The following LINC00237 variants were observed in gnomAD, a reference collection of about 807,000 sequenced individuals.
The protein encoded by LINC00237 is long independently transcribed non-coding RNA 237, also known as long intergenic non-protein coding RNA 237.
chr20:21,088,977 G>A (rs901801340), intron 2 of LINC00237, among the ~76,000 whole-genome samples: 4 of 151,932 alleles, frequency 2.6e-5, no homozygotes, highest in African/African-American at 9.7e-5. Context: ...TCAGATTGTA[G>A]CGACCCCAAT....
intron 1 of LINC00237, among the ~76,000 whole-genome samples, chr20:21,102,943 G>T (rs1055622732): frequency 5.3e-5 from 8 of 152,204 alleles, no homozygotes; most frequent in African/African-American, 1.7e-4. Context: ...AGTGCAGCTC[G>T]CTCCTCCTTC....
intron 1 of LINC00237, among the ~76,000 whole-genome samples, chr20:21,102,086 C>G (rs368423098): frequency 5.9e-5 from 9 of 152,362 alleles, no homozygotes; most frequent in African/African-American, 2.2e-4. Context: ...GCTGAAGGCC[C>G]GCGGCCGAGG....
chr20:21,092,113 G>A (rs561723454), intron 2 of LINC00237, among the ~76,000 whole-genome samples: 3 of 152,300 alleles, frequency 2.0e-5, no homozygotes, highest in African/African-American at 7.2e-5. Flanking sequence ...TCCATCAGGA[G>A]ATGTTTACTC....
intron 1 of LINC00237, chr20:21,093,872 A>G (rs1043447849): frequency 3.3e-5 from 5 of 152,254 alleles, no homozygotes; most frequent in African/African-American, 1.2e-4. Flanking sequence ...AAAGAGAAAC[A>G]CTTGCTCTTA....
chr20:21,102,455 T>A (rs904322956), intron 1 of LINC00237, among the ~76,000 whole-genome samples: 1 of 152,098 alleles, frequency 6.6e-6, no homozygotes, highest in Non-Finnish European at 1.5e-5. Context: ...TCAGACTAAC[T>A]CGCTCCAGGT....
exon 4 of LINC00237, among the ~76,000 whole-genome samples, chr20:21,085,821 A>G (rs922113918): frequency 1.3e-5 from 2 of 151,598 alleles, no homozygotes; most frequent in Middle Eastern, 3.4e-3. Flanking sequence ...TATCATTATG[A>G]AAACTCTGAA....
intron 1 of LINC00237, among the ~76,000 whole-genome samples, chr20:21,099,479 C>G (rs982133606): frequency 6.6e-6 from 1 of 152,060 alleles, no homozygotes; most frequent in Non-Finnish European, 1.5e-5. Flanking sequence ...AATTGTCACT[C>G]AATTTCAATC....
chr20:21,094,727 TG>T (rs902076674), intron 1 of LINC00237, among the ~76,000 whole-genome samples: 1 of 152,182 alleles, frequency 6.6e-6, no homozygotes, highest in African/African-American at 2.4e-5. Flanking sequence ...CATGCCAGCC[TG>T]GGCCACATGG....
chr20:21,096,123 T>C (rs1374674768), intron 1 of LINC00237, among the ~76,000 whole-genome samples: 1 of 152,226 alleles, frequency 6.6e-6, no homozygotes, highest in Middle Eastern at 3.2e-3. Context: ...AAACCCAAAC[T>C]AAGATGCTTT....
chr20:21,105,873 G>A (rs1415282761), intron 1 of LINC00237, among the ~76,000 whole-genome samples: 2 of 152,138 alleles, frequency 1.3e-5, no homozygotes, highest in Admixed American at 6.5e-5. Flanking sequence ...GGCTCTGCGG[G>A]CTGGGGAAAA....
chr20:21,093,348 C>T (rs2030816002), intron 2 of LINC00237: 1 of 152,134 alleles, frequency 6.6e-6, no homozygotes, highest in Admixed American at 6.5e-5. Context: ...TAGAAGTGCC[C>T]CCACTGGTCA....
Position 21,086,189 on chromosome 20 carries a change from A to G in LINC00237, n.560-301T>C, listed in dbSNP as rs534723766. 2.6e-5 allele frequency among the ~76,000 whole-genome samples: 4 copies of G among 152,300 alleles called. No individual in the cohort carries two copies. In the South Asian group the frequency reaches 6.2e-4, roughly 24 times the overall value. On this transcript the variant is annotated intron_variant and non_coding_transcript_variant, in intron 3 of 3. Transcript: ENST00000691244. ...CCATCTCTAACTTCCAAGGCTATTC[A>G]CTATATGAACATATTTGAAAAGATA...
chr20:21,088,806 T>C (rs560614918), intron 2 of LINC00237, among the ~76,000 whole-genome samples: 1 of 152,230 alleles, frequency 6.6e-6, no homozygotes, highest in East Asian at 1.9e-4. Context: ...CTTTGAGCCA[T>C]GGGCTTGTGA....
chr20:21,098,753 G>T (rs1015798740), intron 1 of LINC00237, among the ~76,000 whole-genome samples: 1 of 152,246 alleles, frequency 6.6e-6, no homozygotes, highest in Admixed American at 6.5e-5. Context: ...GGAATGTATA[G>T]ACAGAGAGAT....
At chr20:21,088,679 C>A (rs942539810) in intron 2 of LINC00237, among the ~76,000 whole-genome samples, 2 of 152,138 alleles carry the variant, frequency 1.3e-5, no homozygotes, top group Non-Finnish European at 2.9e-5. Context: ...AACAACATGT[C>A]AAATGATTAC....
intron 2 of LINC00237, among the ~76,000 whole-genome samples, chr20:21,092,263 G>A (rs1184423920): frequency 1.3e-5 from 2 of 152,208 alleles, no homozygotes; most frequent in Non-Finnish European, 2.9e-5. Context: ...CGAGAAGCTT[G>A]ATCAAGGGAT....
intron 1 of LINC00237, among the ~76,000 whole-genome samples, chr20:21,099,489 C>A (rs573909938): frequency 6.6e-6 from 1 of 152,002 alleles, no homozygotes; most frequent in African/African-American, 2.4e-5. Flanking sequence ...CAATTTCAAT[C>A]CATGATCTTT....
intron 1 of LINC00237, among the ~76,000 whole-genome samples, chr20:21,104,206 G>C (rs1369606921): frequency 6.6e-6 from 1 of 152,132 alleles, no homozygotes; most frequent in Non-Finnish European, 1.5e-5. Context: ...GTTCTCCTTG[G>C]GCCCAGCCAC....
chr20:21,089,434 T>C (rs1426916198), intron 2 of LINC00237, among the ~76,000 whole-genome samples: 1 of 151,888 alleles, frequency 6.6e-6, no homozygotes. Context: ...TCACTTCTGG[T>C]AGGGAAGGGA....
Sources: gnomAD v4.1 joint callset for allele counts (sites outside exome capture counted in the v4.1 genomes callset) on GRCh38, gnomAD v4.1.1 for gene constraint, MANE v1.5 for transcripts, NCBI Gene and HGNC (gene_info 2026-07-23, HGNC 2026-07-21) for gene names.